Variants in TWSG1 observed in about 807,000 individuals in gnomAD.
TWSG1 encodes the protein twisted gastrulation BMP signaling modulator 1, also known as twisted gastrulation protein homolog 1.
Under a neutral mutation model 23.0 loss-of-function variants are expected in TWSG1, and 15 were observed. The ratio of observed to expected loss-of-function variants is 0.65; its 90% confidence interval spans 0.44 to 1.00. The LOEUF is 1.00. Among genes scored for constraint, TWSG1 ranks in the 50% least tolerant of loss-of-function variants. The probability of loss-of-function intolerance (pLI) is 0.00; values close to 1 mark genes in which losing one functional copy is unlikely to be tolerated. For synonymous variants in TWSG1, 86 were observed against 92.8 expected (o/e 0.93, Z 0.42); for missense variants, 242 against 278.7 (o/e 0.87, Z 0.94).
At chr18:9,352,485 G>A (rs918242578) in intron 2 of TWSG1, among the ~76,000 whole-genome samples, 3 of 152,060 alleles carry the variant, frequency 2.0e-5, no homozygotes, top group Non-Finnish European at 2.9e-5. Context: ...TTTGATATTC[G>A]TTATCTCATT....
intron 2 of TWSG1, among the ~76,000 whole-genome samples, chr18:9,353,631 C>T (rs1047251467): frequency 7.9e-5 from 12 of 152,196 alleles, no homozygotes; most frequent in Non-Finnish European, 1.8e-4. Context: ...TAGAAGATGT[C>T]TTATTCCATA....
intron 3 of TWSG1, among the ~76,000 whole-genome samples, chr18:9,369,359 C>G (rs2040594358): frequency 6.6e-6 from 1 of 152,058 alleles, no homozygotes; most frequent in East Asian, 1.9e-4. Context: ...GCCTCCACCT[C>G]CCAGGTTCAA....
chr18:9,362,060 G>A (rs1311257886), intron 3 of TWSG1, among the ~76,000 whole-genome samples: 1 of 152,206 alleles, frequency 6.6e-6, no homozygotes, highest in Non-Finnish European at 1.5e-5. Context: ...AATGGGGGCA[G>A]AAGTATCTTT....
intron 3 of TWSG1, among the ~76,000 whole-genome samples, chr18:9,381,358 G>T (rs542742825): frequency 3.9e-5 from 6 of 152,124 alleles, no homozygotes; most frequent in Non-Finnish European, 8.8e-5. Context: ...GTGCTGTGTT[G>T]TAGTGGTTGA....
intron 4 of TWSG1, among the ~76,000 whole-genome samples, chr18:9,398,514 A>G (rs1475314530): frequency 4.0e-5 from 6 of 151,828 alleles, no homozygotes; most frequent in Non-Finnish European, 7.4e-5. Context: ...CTGGAGTGCA[A>G]TGGCGCAATC....
Position 9,394,774 on chromosome 18 carries a change from GCACA to G in TWSG1, c.224-1500_224-1497del, listed in dbSNP as rs1485999689. On this transcript the variant is annotated intron_variant, in intron 3 of 4. Coordinates refer to ENST00000262120, the MANE Select transcript of TWSG1 (RefSeq NM_020648.6). ...TACAGACACACACACATGCATGCATGCACACACACGCACGCACACACATGATCAT... is the reference window on the plus strand; with the variant it reads ...TACAGACACACACACATGCATGCATGCACACGCACGCACACACATGATCAT... Among the ~76,000 whole-genome samples the G allele has an allele frequency of 1.8e-4, 28 of 152,106 alleles. No homozygotes were observed. The East Asian group carries it at 5.4e-3, about 29-fold the overall frequency.
Position 9,360,050 on chromosome 18 carries a change from G to C in TWSG1, c.202G>C (p.Asp68His), listed in dbSNP as rs141272231. The change falls in exon 3 of 5, where the codon GAC becomes CAC. Residue 68 changes from aspartate to histidine, a missense_variant. Asp to His is a moderately conservative substitution (Grantham distance 81). Transcript: ENST00000262120. ...ECMLCLGALW[D>H]ECCDCVGMCN... is the part of the protein sequence containing the mutation. Reference sequence around the variant, plus strand: ...CATGCTGTGTCTTGGGGCCCTTTGGGACGAGTGCTGTGACTGTGTTGGTAA... The same window carrying C: ...CATGCTGTGTCTTGGGGCCCTTTGGCACGAGTGCTGTGACTGTGTTGGTAA... The C allele has an allele frequency of 1.3e-5, 21 of 1,613,376 alleles. No individual in the cohort carries two copies. Among genetic ancestry groups the C allele is most frequent in the Non-Finnish European group, 1.8e-5 (21 of 1,179,612 alleles).
chr18:9,386,715 C>A (rs895416433), intron 3 of TWSG1, among the ~76,000 whole-genome samples: 9 of 152,124 alleles, frequency 5.9e-5, no homozygotes, highest in African/African-American at 2.2e-4. Flanking sequence ...TGAAAAAAGA[C>A]CTACATGTGG....
At chr18:9,396,663 C>A in intron 4 of TWSG1, 117 bp downstream of exon 4, 5 of 1,271,938 alleles carry the variant, frequency 3.9e-6, no homozygotes, top group Non-Finnish European at 5.3e-6. Context: ...GAATTTGTAT[C>A]ATCTCACATA....
In TWSG1 at chr18:9,394,084, G is replaced by A. The variant is rs115401315; in HGVS notation, c.224-2196G>A. On this transcript the variant is annotated intron_variant, in intron 3 of 4. Coordinates refer to ENST00000262120, the MANE Select transcript of TWSG1 (RefSeq NM_020648.6). ...GCTAAGGAAAGGAAATCAGTATATC[G>A]AAGAGACATCTGCACCTCTGTGTTT... Among the ~76,000 whole-genome samples, 635 of 152,192 alleles carry A rather than the reference G, an allele frequency of 4.2e-3. 3 individuals carry two copies. Among genetic ancestry groups the A allele is most frequent in the African/African-American group, 0.015 (604 of 41,526 alleles).
At chr18:9,384,940 C>G (rs2040675385) in intron 3 of TWSG1, among the ~76,000 whole-genome samples, 1 of 152,178 alleles carries the variant, frequency 6.6e-6, no homozygotes, top group African/African-American at 2.4e-5. Flanking sequence ...AGCCACCACA[C>G]CCGGCCCAGA....
chr18:9,358,671 A>G (rs1206349408), intron 2 of TWSG1, among the ~76,000 whole-genome samples: 1 of 152,192 alleles, frequency 6.6e-6, no homozygotes, highest in African/African-American at 2.4e-5. Flanking sequence ...TTATAAGATT[A>G]GGACCGGCTA....
At chr18:9,384,444 C>T (rs570649790) in intron 3 of TWSG1, among the ~76,000 whole-genome samples, 1 of 152,258 alleles carries the variant, frequency 6.6e-6, no homozygotes, top group East Asian at 1.9e-4. Flanking sequence ...TTTCCAACTC[C>T]TTCAAGTTAA....
In TWSG1 at chr18:9,401,831, ATTCTTTT is replaced by A. The variant is rs1239299680; in HGVS notation, c.*2314_*2320del. ...CTTCTATATTGAAGTTTTGGTAAAA[ATTCTTTT>A]TTCTTTTTTAATAAAAAATTAGGTT... is the stretch of plus-strand genomic sequence containing the variant. On this transcript the variant is annotated 3_prime_UTR_variant, in exon 5 of 5. Transcript: ENST00000262120. 1.3e-5 allele frequency: 2 copies of A among 152,110 alleles called. No homozygotes were observed. Among genetic ancestry groups the A allele is most frequent in the East Asian group, 3.8e-4 (2 of 5,208 alleles). The allele number at this position is 152,110 out of a possible 1,614,324, so 9.4% of individuals were successfully genotyped here.
chr18:9,369,628 T>C (rs2040595493), intron 3 of TWSG1, among the ~76,000 whole-genome samples: 1 of 152,116 alleles, frequency 6.6e-6, no homozygotes, highest in African/African-American at 2.4e-5. Context: ...TTGAGTTCCT[T>C]TTTTTTGCTT....
intron 3 of TWSG1, among the ~76,000 whole-genome samples, chr18:9,370,179 G>A (rs187637447): frequency 9.2e-5 from 14 of 152,252 alleles, no homozygotes; most frequent in Non-Finnish European, 2.1e-4. Context: ...TTAGCTGGGT[G>A]TGGTGGTGTG....
At chr18:9,365,842 T>TA (rs978153547) in intron 3 of TWSG1, among the ~76,000 whole-genome samples, 1 of 150,226 alleles carries the variant, frequency 6.7e-6, no homozygotes, top group African/African-American at 2.4e-5. Context: ...CTCTACAAAA[T>TA]AAAAAAACAA....
At chr18:9,336,747 T>A (rs1432228127) in intron 1 of TWSG1, among the ~76,000 whole-genome samples, 1 of 152,238 alleles carries the variant, frequency 6.6e-6, no homozygotes, top group Non-Finnish European at 1.5e-5. Flanking sequence ...ACTGAGGGTT[T>A]AGATATACTC....
chr18:9,395,871 A>G (rs978601385), intron 3 of TWSG1, among the ~76,000 whole-genome samples: 2 of 152,110 alleles, frequency 1.3e-5, no homozygotes, highest in African/African-American at 4.8e-5. Context: ...TCAGCTTATT[A>G]TTATTTTAAT....
Sources: allele counts gnomAD v4.1 joint callset (sites outside exome capture counted in the v4.1 genomes callset), GRCh38; gene constraint gnomAD v4.1.1; transcripts MANE v1.5; gene names NCBI Gene and HGNC (gene_info 2026-07-23, HGNC 2026-07-21).